Variants in PDGFRB observed in about 807,000 individuals in gnomAD.
PDGFRB encodes the protein platelet derived growth factor receptor beta.
A neutral mutation model predicts 120.2 loss-of-function variants in PDGFRB; 42 were observed. The ratio of observed to expected loss-of-function variants is 0.35; its 90% CI spans 0.27 to 0.45. The LOEUF (loss-of-function observed/expected upper bound fraction) is 0.45, where lower values mean the gene tolerates loss of function less well. Ranked by LOEUF, PDGFRB falls within the 20% of genes least tolerant of loss-of-function variation. The pLI is 1.00. For missense variants in PDGFRB, 1,149 were observed against 1,476.3 expected, an observed-to-expected ratio of 0.78 and a Z score of 3.63; for synonymous variants, 586 against 606.8, an observed-to-expected ratio of 0.97 and a Z score of 0.50.
rs761649485 is a variant in PDGFRB at position 150,133,680 on chromosome 5, A to G, written c.840T>C (p.Ser280=). Residue 280 remains serine, a synonymous_variant, in exon 6 of 23, where the codon AGT becomes AGC. Coordinates refer to ENST00000261799, the MANE Select transcript of PDGFRB (RefSeq NM_002609.4). ...YHIRSILHIP[S]AELEDSGTYT... ...AGGTCCCCGAGTCTTCTAACTCGGC[A>G]CTGGGGATGTGCAGGATGGAGCGGA... 6 of 1,613,948 alleles carry G rather than the reference A, an allele frequency of 3.7e-6. No individual in the cohort carries two copies. In the African/African-American group the frequency reaches 4.0e-5, roughly 11 times the overall value.
intron 20 of PDGFRB, 112 bp downstream of exon 20, chr5:150,119,355 G>C (rs1415037649): frequency 6.8e-6 from 5 of 730,224 alleles, no homozygotes; most frequent in South Asian, 3.1e-5. Context: ...TTACACCAAG[G>C]CTTTCTAGAT....
At chr5:150,142,428 G>A (rs930308746) in intron 1 of PDGFRB, among the ~76,000 whole-genome samples, 4 of 152,196 alleles carry the variant, frequency 2.6e-5, no homozygotes, top group Admixed American at 2.0e-4. Flanking sequence ...AGGGATTGGC[G>A]ACTGAGACTC....
intron 10 of PDGFRB, among the ~76,000 whole-genome samples, chr5:150,128,100 C>G (rs75470962): frequency 9.1e-4 from 138 of 152,320 alleles, no homozygotes; most frequent in African/African-American, 3.3e-3. Context: ...GGGAAGGAAG[C>G]CTGCATCTTC....
chr5:150,131,910 C>A, intron 8 of PDGFRB, 69 bp downstream of exon 8: 1 of 835,184 alleles, frequency 1.2e-6, no homozygotes, highest in South Asian at 1.5e-5. Flanking sequence ...GTGGACAGTG[C>A]AGGAAGGGAG....
rs1760559038 is a variant in PDGFRB at position 150,134,209 on chromosome 5, AAAATCTCT to A, written c.632-209_632-202del. On this transcript the variant is annotated intron_variant, in intron 4 of 22. Coordinates refer to ENST00000261799, the MANE Select transcript of PDGFRB (RefSeq NM_002609.4). Reference sequence around the variant, plus strand: ...AGCAACAGTAGTGAACAAAGTGGACAAAATCTCTGTTCTTATGGAGCTGACGTTCTAGA... The same window carrying A: ...AGCAACAGTAGTGAACAAAGTGGACAGTTCTTATGGAGCTGACGTTCTAGA... The A allele has an allele frequency of 5.0e-6, 3 of 598,260 alleles. No individual in the cohort carries two copies. The African/African-American group carries it at 5.6e-5, about 11-fold the overall frequency. The allele number at this position is 598,260 out of a possible 1,614,324, so 37.1% of individuals were successfully genotyped here.
rs1760099454 is a variant in PDGFRB, at chr5:150,120,555, C to T, written c.2586+333G>A. ...GACCAATCCCTGCTACTGCATGTGA[C>T]CTGCTCATCTTTCTTGCCCTGTCAC... On this transcript the variant is annotated intron_variant, in intron 18 of 22. Transcript: ENST00000261799. This position sits in a 1 kb window ranked among gnomAD's most constrained non-coding sequence, Gnocchi z 4.3. Among the ~76,000 whole-genome samples the T allele has an allele frequency of 6.6e-6, 1 of 152,192 alleles. No individual in the cohort carries two copies. Among genetic ancestry groups the T allele is most frequent in the African/African-American group, 2.4e-5 (1 of 41,430 alleles).
At chr5:150,118,598 C>A (rs780235385) in intron 21 of PDGFRB, 149 bp downstream of exon 21, 88 of 651,246 alleles carry the variant, frequency 1.4e-4, no homozygotes, top group Non-Finnish European at 2.2e-4. Context: ...GCCAGCCCAT[C>A]CCCTCCTAGA....
Position 150,155,601 on chromosome 5 carries a change from G to T in PDGFRB, c.-211C>A. On this transcript the variant is annotated 5_prime_UTR_variant, in exon 1 of 23. Coordinates refer to ENST00000261799, the MANE Select transcript of PDGFRB (RefSeq NM_002609.4). ...AGAGGGATGGAGGAAGGGGGCTGCT[G>T]TAGGGGAGAGGAGCGGCCCAGCTTC... The T allele has an allele frequency of 2.5e-6, 1 of 398,932 alleles. No individual in the cohort carries two copies. The highest frequency in any genetic ancestry group is 4.4e-6 in the Non-Finnish European group (1 of 226,338). 24.7% of individuals were successfully genotyped at this position (398,932 alleles called of 1,614,324 possible).
At chr5:150,151,464 G>A (rs1228621288) in intron 1 of PDGFRB, among the ~76,000 whole-genome samples, 3 of 152,182 alleles carry the variant, frequency 2.0e-5, no homozygotes, top group Non-Finnish European at 4.4e-5. Context: ...CTCATCAAGG[G>A]GATCTGGAGT....
At chr5:150,145,883 A>C (rs896188795) in intron 1 of PDGFRB, among the ~76,000 whole-genome samples, 4 of 152,234 alleles carry the variant, frequency 2.6e-5, no homozygotes, top group African/African-American at 9.6e-5. Flanking sequence ...GTCTCAAAAA[A>C]ATAAATTAAA....
Position 150,155,540 on chromosome 5 carries a change from C to A in PDGFRB, c.-150G>T. 1 of 398,692 alleles carries A rather than the reference C, an allele frequency of 2.5e-6. No homozygotes were observed. Among genetic ancestry groups the A allele is most frequent in the East Asian group, 3.6e-5 (1 of 28,072 alleles). 24.7% of individuals were successfully genotyped at this position (398,692 alleles called of 1,614,324 possible). A position where few individuals can be genotyped will look rare whatever the true frequency, so the allele number is the denominator to read the frequency against. On this transcript the variant is annotated 5_prime_UTR_variant, in exon 1 of 23. Transcript: ENST00000261799. ...GGTAACAGCTGAGTAGAAGGACAGG[C>A]AGGACTGGTGCAGGCTCCTGAAGGC...
At chr5:150,116,835 G>A (rs569641033) in intron 22 of PDGFRB, among the ~76,000 whole-genome samples, 5 of 152,202 alleles carry the variant, frequency 3.3e-5, no homozygotes, top group African/African-American at 7.2e-5. Context: ...TTCTAAGGCC[G>A]GTGTGCACTC....
At chr5:150,134,666 A>T in intron 4 of PDGFRB, 84 bp downstream of exon 4, 2 of 1,297,308 alleles carry the variant, frequency 1.5e-6, no homozygotes, top group Non-Finnish European at 2.1e-6. Context: ...GTGGAGTCCC[A>T]CACTTTGTAA....
chr5:150,115,979 G>GA (rs1398025966), intron 22 of PDGFRB, 33 bp from the exon 23 acceptor site: 2 of 1,542,320 alleles, frequency 1.3e-6, no homozygotes, highest in Admixed American at 2.0e-5. Context: ...GAGGGGCTAG[G>GA]AAGGAGCCCA....
intron 1 of PDGFRB, among the ~76,000 whole-genome samples, chr5:150,148,667 T>C (rs533819010): frequency 3.2e-4 from 49 of 152,334 alleles, no homozygotes; most frequent in Non-Finnish European, 5.9e-4. Flanking sequence ...TCCTGGGAAA[T>C]GGCATGGGAG....
chr5:150,116,085 T>C (rs1759921960), intron 22 of PDGFRB, 139 bp from the exon 23 acceptor site: 6 of 677,402 alleles, frequency 8.9e-6, no homozygotes, highest in Non-Finnish European at 1.4e-5. Context: ...TTGTGAAAAC[T>C]ATGCAAGGCC....
At chr5:150,131,607 C>G (rs1048739393) in intron 8 of PDGFRB, among the ~76,000 whole-genome samples, 6 of 152,228 alleles carry the variant, frequency 3.9e-5, no homozygotes, top group African/African-American at 1.2e-4. Flanking sequence ...TGGATGCAAG[C>G]TGCACAAAGG....
chr5:150,127,223 G>A (rs888257463), intron 10 of PDGFRB, among the ~76,000 whole-genome samples: 1 of 152,202 alleles, frequency 6.6e-6, no homozygotes, highest in African/African-American at 2.4e-5. Flanking sequence ...GGCTCACACT[G>A]GCCCTTACAA....
At chr5:150,122,494 T>C (rs1401688776) in intron 15 of PDGFRB, among the ~76,000 whole-genome samples, 2 of 152,250 alleles carry the variant, frequency 1.3e-5, no homozygotes. Context: ...GGAGAAGCCC[T>C]TTGGCTCCTG....
Sources: gnomAD v4.1 joint callset for allele counts (sites outside exome capture counted in the v4.1 genomes callset) on GRCh38, gnomAD v4.1.1 for gene constraint, Gnocchi (gnomAD v3.1) non-coding constraint, MANE v1.5 for transcripts, NCBI Gene and HGNC (gene_info 2026-07-23, HGNC 2026-07-21) for gene names.